The following RAB11FIP3 variants were observed in gnomAD, a reference collection of about 807,000 sequenced individuals.
The protein encoded by RAB11FIP3 is RAB11 family interacting protein 3.
In RAB11FIP3, 17 loss-of-function variants were observed where a neutral mutation model predicts 77.8. That is an observed-to-expected ratio of 0.22 (90% CI 0.15 to 0.33). The LOEUF (loss-of-function observed/expected upper bound fraction) is 0.33. Ranked by LOEUF, RAB11FIP3 falls within the 10% of genes least tolerant of loss-of-function variation. The pLI is 1.00. For synonymous variants in RAB11FIP3, 437 were observed against 448.2 expected, an observed-to-expected ratio of 0.98 and a Z score of 0.31; for missense variants, 1,005 against 1,011.2, an observed-to-expected ratio of 0.99 and a Z score of 0.08.
At chr16:483,152 G>A (rs886258690) in intron 4 of RAB11FIP3, among the ~76,000 whole-genome samples, 8 of 152,188 alleles carry the variant, frequency 5.3e-5, no homozygotes, top group Non-Finnish European at 5.9e-5. Flanking sequence ...AGTTGGGGCC[G>A]GAGTAGAGGG....
At chr16:509,224 C>T (rs1344759792) in intron 8 of RAB11FIP3, among the ~76,000 whole-genome samples, 1 of 152,264 alleles carries the variant, frequency 6.6e-6, no homozygotes, top group Non-Finnish European at 1.5e-5. Context: ...ATTGTCCTTC[C>T]CACGCTTTCA....
chr16:446,006 G>T lies in RAB11FIP3; in HGVS notation c.715-15398G>T, dbSNP rs540517378. Among the ~76,000 whole-genome samples the T allele has an allele frequency of 8.5e-5, 13 of 152,210 alleles. No homozygotes were observed. In the South Asian group the frequency reaches 2.3e-3, roughly 27 times the overall value. On this transcript the variant is annotated intron_variant, in intron 1 of 13. Transcript: ENST00000262305. ...AAAGTGTTCTAGACACAGAGACGAG[G>T]GTGCATCATAGAATTTGGGGACGTT...
rs2032321446 is a variant in RAB11FIP3 at position 514,591 on chromosome 16, G to A, written c.1640+3791G>A. ...TTTGGACATCCTTGTTTAGGGACCG[G>A]GAAAGGAGAATATGTGTCATCAGCA... On this transcript the variant is annotated intron_variant, in intron 9 of 13. Transcript: ENST00000262305. This position sits in a 1 kb window ranked among gnomAD's most constrained non-coding sequence, Gnocchi z 4.6. 6.6e-6 allele frequency among the ~76,000 whole-genome samples: 1 copy of A among 152,206 alleles called. No individual in the cohort carries two copies. Among genetic ancestry groups the A allele is most frequent in the Non-Finnish European group, 1.5e-5 (1 of 68,038 alleles).
intron 1 of RAB11FIP3, among the ~76,000 whole-genome samples, chr16:459,523 G>A (rs1005105039): frequency 1.4e-5 from 2 of 147,114 alleles, no homozygotes; most frequent in Non-Finnish European, 1.5e-5. Flanking sequence ...TGCAACCTCC[G>A]CCTCCCGGGT....
intron 1 of RAB11FIP3, among the ~76,000 whole-genome samples, chr16:459,603 AT>A (rs1344197630): frequency 6.6e-6 from 1 of 150,706 alleles, no homozygotes; most frequent in Non-Finnish European, 1.5e-5. Flanking sequence ...CACCTGGTTA[AT>A]TTTTGTATTT....
At chr16:454,431 G>A (rs1487106666) in intron 1 of RAB11FIP3, among the ~76,000 whole-genome samples, 2 of 152,110 alleles carry the variant, frequency 1.3e-5, no homozygotes, top group Non-Finnish European at 2.9e-5. Flanking sequence ...ACAAAAATTA[G>A]CTGGGTTTGG....
intron 8 of RAB11FIP3, chr16:510,323 G>C (rs750656199): frequency 3.6e-6 from 1 of 277,196 alleles, no homozygotes; most frequent in Non-Finnish European, 6.9e-6. Flanking sequence ...CATGAACACA[G>C]AGTGCACCAG....
chr16:508,703 G>A (rs1257293060), intron 8 of RAB11FIP3, among the ~76,000 whole-genome samples: 2 of 152,072 alleles, frequency 1.3e-5, no homozygotes, highest in Non-Finnish European at 2.9e-5. Flanking sequence ...TCTGGAAAAC[G>A]CGTCCTTTCG....
intron 8 of RAB11FIP3, among the ~76,000 whole-genome samples, chr16:509,464 A>T (rs1017286657): frequency 3.9e-4 from 60 of 152,294 alleles, no homozygotes; most frequent in Admixed American, 9.8e-4. Context: ...CCTGCGTGTG[A>T]GGCACCACAA....
intron 3 of RAB11FIP3, among the ~76,000 whole-genome samples, chr16:477,183 G>A (rs999464015): frequency 6.6e-6 from 1 of 152,012 alleles, no homozygotes; most frequent in Non-Finnish European, 1.5e-5. Flanking sequence ...GGACCTGGGA[G>A]GCAGAGGTTG....
At chr16:430,857 T>C (rs1339908368) in intron 1 of RAB11FIP3, among the ~76,000 whole-genome samples, 1 of 152,200 alleles carries the variant, frequency 6.6e-6, no homozygotes, top group Non-Finnish European at 1.5e-5. Context: ...TTAAAAATTA[T>C]TTTTGTAGAG....
rs2031924213 is a variant in RAB11FIP3, at chr16:507,303, G to A, written c.1499+1676G>A. ...AATTTTTGTATTTTTAGTAGAGACG[G>A]GGTTTCACCATATTGACCAGGCTGG... On this transcript the variant is annotated intron_variant, in intron 8 of 13. Coordinates refer to ENST00000262305, the MANE Select transcript of RAB11FIP3 (RefSeq NM_014700.4). This position sits in a 1 kb window ranked among gnomAD's most constrained non-coding sequence, Gnocchi z 4.6. 6.6e-6 allele frequency among the ~76,000 whole-genome samples: 1 copy of A among 152,142 alleles called. No individual in the cohort carries two copies. The highest frequency in any genetic ancestry group is 6.6e-5 in the Admixed American group (1 of 15,264).
rs1489575025 is a variant in RAB11FIP3, at chr16:480,899, C to T, written c.904-1626C>T. Among the ~76,000 whole-genome samples, 2 of 113,420 alleles carry T rather than the reference C, an allele frequency of 1.8e-5. 1 individual carries two copies. The highest frequency in any genetic ancestry group is 4.3e-5 in the Non-Finnish European group (2 of 46,110). The allele number at this position is 113,420 out of a possible 152,430, so 74.4% of individuals were successfully genotyped here. On this transcript the variant is annotated intron_variant, in intron 3 of 13. Coordinates refer to ENST00000262305, the MANE Select transcript of RAB11FIP3 (RefSeq NM_014700.4). ...GATCTCAGCTCACCACAACATCCACCTCCCTGGTTCAAGCAATTTGCCTGC... is the reference window on the plus strand; with the variant it reads ...GATCTCAGCTCACCACAACATCCACTTCCCTGGTTCAAGCAATTTGCCTGC...
At chr16:480,287 A>AAAAAAAAG (rs1491515216) in intron 3 of RAB11FIP3, among the ~76,000 whole-genome samples, 5 of 47,434 alleles carry the variant, frequency 1.1e-4, no homozygotes, top group Non-Finnish European at 2.4e-4. Flanking sequence ...CTCCTTCTCC[A>AAAAAAAAG]AAAAAAAAAA....
intron 1 of RAB11FIP3, among the ~76,000 whole-genome samples, chr16:441,086 A>T (rs1163898790): frequency 6.6e-6 from 1 of 152,076 alleles, no homozygotes; most frequent in Non-Finnish European, 1.5e-5. Flanking sequence ...GATGACAGGT[A>T]CCTGCCACCA....
chr16:439,429 G>A (rs552173400), intron 1 of RAB11FIP3: 1 of 152,304 alleles, frequency 6.6e-6, no homozygotes, highest in South Asian at 2.1e-4. Context: ...TATTACTCTG[G>A]TTACCATCTT....
Position 510,693 on chromosome 16 carries a change from G to A in RAB11FIP3, c.1533G>A (p.Gln511=), listed in dbSNP as rs1359877739. Residue 511 remains glutamine (Q), a synonymous_variant, in exon 9 of 14, where the codon CAG becomes CAA. Transcript: ENST00000262305. ...ANALEEQLKE[Q]ELRACEMVLE... is the part of the protein sequence containing the mutation. ...CCCTGGAGGAGCAGCTGAAGGAGCA[G>A]GAGCTGAGAGCCTGCGAGATGGTCC... 6.2e-7 allele frequency: 1 copy of A among 1,611,746 alleles called. No individual in the cohort carries two copies. Among genetic ancestry groups the A allele is most frequent in the African/African-American group, 1.3e-5 (1 of 74,880 alleles).
At position 461,073 on chromosome 16, in the gene RAB11FIP3, TAG is replaced by T. The variant is rs2055596834; in HGVS notation, c.715-329_715-328del. Among the ~76,000 whole-genome samples the T allele has an allele frequency of 6.6e-6, 1 of 151,878 alleles. No individual in the cohort carries two copies. The highest frequency in any genetic ancestry group is 2.1e-4 in the South Asian group (1 of 4,834). The stretch of plus-strand genomic sequence containing the variant: ...TTCTTGGCACCAGGGATTGGTTTCA[TAG>T]AAGACGCCTTTCCACAGACGGGCAG... On this transcript the variant is annotated intron_variant, in intron 1 of 13. Transcript: ENST00000262305. The surrounding 1 kb of genome is among the most constrained non-coding windows in gnomAD (Gnocchi z 4.5).
intron 6 of RAB11FIP3, 111 bp from the exon 7 acceptor site, chr16:502,893 C>T (rs1165481023): frequency 5.8e-6 from 5 of 856,526 alleles, no homozygotes; most frequent in Non-Finnish European, 7.9e-6. Flanking sequence ...AGGACCTGTC[C>T]CCTGCAATGC....
Sources: gnomAD v4.1 joint callset for allele counts (sites outside exome capture counted in the v4.1 genomes callset) on GRCh38, gnomAD v4.1.1 for gene constraint, Gnocchi (gnomAD v3.1) non-coding constraint, MANE v1.5 for transcripts, NCBI Gene and HGNC (gene_info 2026-07-23, HGNC 2026-07-21) for gene names.